Variants in EPN2 observed in about 807,000 individuals in gnomAD.
EPN2 encodes the protein epsin-2.
In EPN2, 34 loss-of-function variants were observed where a neutral mutation model predicts 61.7. The observed-to-expected ratio is 0.55, with a 90% CI of 0.42 to 0.73. The LOEUF (loss-of-function observed/expected upper bound fraction) is 0.73, where lower values mean the gene tolerates loss of function less well. Ranked by LOEUF, EPN2 falls within the 30% of genes least tolerant of loss-of-function variation. The pLI, the probability that EPN2 is intolerant of heterozygous loss-of-function variation, is 0.00. For missense variants in EPN2, 714 were observed against 839.2 expected, an observed-to-expected ratio of 0.85 and a Z score of 1.84; for synonymous variants, 349 against 353.6, an observed-to-expected ratio of 0.99 and a Z score of 0.15.
intron 1 of EPN2, among the ~76,000 whole-genome samples, chr17:19,276,773 G>GTTTTTTTTTTTTTTTTTTT (rs80078595): frequency 2.5e-4 from 30 of 119,312 alleles, no homozygotes; most frequent in Middle Eastern, 4.4e-3. Flanking sequence ...ATGAGAATAA[G>GTTTTTTTTTTTTTTTTTTT]TTTTTTTTTT....
rs1488922191 is a variant in EPN2, at chr17:19,285,591, G to C, written c.596-29G>C. On this transcript the variant is annotated intron_variant, in intron 3 of 10. Transcript: ENST00000314728. This position sits in a 1 kb window ranked among gnomAD's most constrained non-coding sequence, Gnocchi z 4.5. ...GCACCCTCTAATGGCGTGTCTCTCTGTGTGTGTGTGTGTGTCCCTGCCCCA... is the reference window on the plus strand; with the variant it reads ...GCACCCTCTAATGGCGTGTCTCTCTCTGTGTGTGTGTGTGTCCCTGCCCCA... 144 of 737,958 alleles carry C rather than the reference G, an allele frequency of 2.0e-4. No homozygotes were observed. The highest frequency in any genetic ancestry group is 5.8e-4 in the Middle Eastern group (1 of 1,718). The allele number at this position is 737,958 out of a possible 1,614,324, so 45.7% of individuals were successfully genotyped here.
At chr17:19,267,960 A>C (rs2152210862) in intron 1 of EPN2, among the ~76,000 whole-genome samples, 4 of 152,360 alleles carry the variant, frequency 2.6e-5, no homozygotes, top group Admixed American at 2.6e-4. Context: ...AAAATCTTGA[A>C]GGTGAACAAC....
At chr17:19,271,909 C>T (rs1260239197) in intron 1 of EPN2, among the ~76,000 whole-genome samples, 2 of 152,244 alleles carry the variant, frequency 1.3e-5, no homozygotes, top group Non-Finnish European at 2.9e-5. Context: ...GGATCCACTG[C>T]CCCTCCTTTA....
At chr17:19,331,828 T>C in intron 9 of EPN2, 25 bp from the exon 10 acceptor site, 1 of 1,598,500 alleles carries the variant, frequency 6.3e-7, no homozygotes, top group South Asian at 1.1e-5. Flanking sequence ...ACACTCACCC[T>C]GCCATATGTG....
rs764501353 is a variant in EPN2, at chr17:19,334,099, G to A, written c.1771G>A (p.Ala591Thr). The A allele has an allele frequency of 1.9e-6, 3 of 1,609,166 alleles. No homozygotes were observed. The highest frequency in any genetic ancestry group is 2.2e-5 in the South Asian group (2 of 89,976). ...PGPGVESMAV[A>T]SMTSAAPQPA... ...CCCAGGAGTGGAGTCCATGGCTGTG[G>A]CCTCGATGACCTCCGCGGCCCCACA... Residue 591 changes from alanine to threonine, a missense_variant, in exon 11 of 11, where the codon GCC (alanine) becomes ACC (threonine). Physicochemically the swap from Ala to Thr is moderately conservative, Grantham distance 58 (BLOSUM62 0). Transcript: ENST00000314728. The surrounding 1 kb of genome is among the most constrained non-coding windows in gnomAD (Gnocchi z 4.9).
intron 7 of EPN2, among the ~76,000 whole-genome samples, chr17:19,326,482 C>G (rs905705719): frequency 6.6e-6 from 1 of 151,966 alleles, no homozygotes; most frequent in African/African-American, 2.4e-5. Flanking sequence ...GTCAGGAGAT[C>G]GAGACCATCC....
At chr17:19,321,210 C>G (rs1374283383) in intron 7 of EPN2, among the ~76,000 whole-genome samples, 1 of 152,136 alleles carries the variant, frequency 6.6e-6, no homozygotes, top group Non-Finnish European at 1.5e-5. Context: ...AGATGTGATG[C>G]TGCCCTCAGC....
chr17:19,284,430 G>T (rs1047601038), intron 3 of EPN2, among the ~76,000 whole-genome samples: 1 of 152,182 alleles, frequency 6.6e-6, no homozygotes, highest in African/African-American at 2.4e-5. Context: ...GCTGTTCATT[G>T]GAAGTGGTCC....
chr17:19,275,706 T>C (rs1246577952), intron 1 of EPN2, among the ~76,000 whole-genome samples: 4 of 152,226 alleles, frequency 2.6e-5, no homozygotes, highest in Non-Finnish European at 4.4e-5. Flanking sequence ...AAGTACTCTT[T>C]CCAAGAAGAG....
chr17:19,331,103 A>G lies in EPN2; in HGVS notation c.1412-750A>G, dbSNP rs530670870. 2.6e-5 allele frequency among the ~76,000 whole-genome samples: 4 copies of G among 152,346 alleles called. No individual in the cohort carries two copies. The South Asian group carries it at 6.2e-4, about 24-fold the overall frequency. On this transcript the variant is annotated intron_variant, in intron 9 of 10. Transcript: ENST00000314728. ...TTTTGTGGATTAACAGATTGAAAAC[A>G]TCTTCTCATGACTTTAAAACTTGTT...
chr17:19,306,284 G>C (rs1383001496), intron 4 of EPN2: 3 of 152,274 alleles, frequency 2.0e-5, no homozygotes, highest in African/African-American at 7.2e-5. Flanking sequence ...ATGTGCATGG[G>C]CACAAGAGGC....
chr17:19,278,102 C>G (rs1037852199), intron 1 of EPN2, among the ~76,000 whole-genome samples: 7 of 151,236 alleles, frequency 4.6e-5, no homozygotes, highest in Admixed American at 3.3e-4. Flanking sequence ...TGAAAAGCCT[C>G]CAGTGACTTT....
chr17:19,324,476 G>A (rs1031090557), intron 7 of EPN2, among the ~76,000 whole-genome samples: 2 of 152,124 alleles, frequency 1.3e-5, no homozygotes, highest in Admixed American at 6.5e-5. Context: ...TGGGACTACG[G>A]GCATGTGCTA....
At chr17:19,260,326 T>TG (rs2045127490) in intron 1 of EPN2, among the ~76,000 whole-genome samples, 1 of 152,144 alleles carries the variant, frequency 6.6e-6, no homozygotes, top group Non-Finnish European at 1.5e-5. Context: ...GCAGGCTGGA[T>TG]GGGGGCATTG....
intron 1 of EPN2, among the ~76,000 whole-genome samples, chr17:19,271,066 G>A (rs1487870129): frequency 1.3e-5 from 2 of 152,024 alleles, no homozygotes; most frequent in Non-Finnish European, 2.9e-5. Context: ...CTTATTTTTT[G>A]CTTCTGTGTC....
chr17:19,248,021 C>T (rs2152201181), intron 1 of EPN2, among the ~76,000 whole-genome samples: 1 of 152,250 alleles, frequency 6.6e-6, no homozygotes, highest in East Asian at 1.9e-4. Context: ...TTAGAAGTGC[C>T]CCCAGTTAAT....
chr17:19,285,083 C>T lies in EPN2; in HGVS notation c.596-537C>T, dbSNP rs1364739129. Among the ~76,000 whole-genome samples the T allele has an allele frequency of 2.0e-5, 3 of 152,200 alleles. No individual in the cohort carries two copies. Among genetic ancestry groups the T allele is most frequent in the South Asian group, 2.1e-4 (1 of 4,832 alleles). ...CTCTCAAGGATCCTCTTACCAACCCCCAGAGAGGCTCTCTTTGGATTGAGT... is the reference window on the plus strand; with the variant it reads ...CTCTCAAGGATCCTCTTACCAACCCTCAGAGAGGCTCTCTTTGGATTGAGT... On this transcript the variant is annotated intron_variant, in intron 3 of 10. Coordinates refer to ENST00000314728, the MANE Select transcript of EPN2 (RefSeq NM_014964.5). This position sits in a 1 kb window ranked among gnomAD's most constrained non-coding sequence, Gnocchi z 4.5.
At chr17:19,238,052 C>G (rs1440151987) in intron 1 of EPN2, among the ~76,000 whole-genome samples, 1 of 152,184 alleles carries the variant, frequency 6.6e-6, no homozygotes, top group Non-Finnish European at 1.5e-5. Flanking sequence ...GGATCCCGCC[C>G]GTCTCACCTT....
At chr17:19,324,719 AAAG>A (rs1417395892) in intron 7 of EPN2, among the ~76,000 whole-genome samples, 31 of 152,262 alleles carry the variant, frequency 2.0e-4, no homozygotes, top group Non-Finnish European at 1.3e-4. Context: ...CATTAGTAAA[AAAG>A]ATATAATGAA....
Sources: allele counts gnomAD v4.1 joint callset (sites outside exome capture counted in the v4.1 genomes callset), GRCh38; gene constraint gnomAD v4.1.1; non-coding constraint Gnocchi (gnomAD v3.1); transcripts MANE v1.5; gene names NCBI Gene and HGNC (gene_info 2026-07-23, HGNC 2026-07-21).